Variants in FOCAD observed in about 807,000 individuals in gnomAD.
The protein encoded by FOCAD is focadhesin.
A neutral mutation model predicts 225.6 loss-of-function variants in FOCAD; 198 were observed. That is an observed-to-expected ratio of 0.88 (90% CI 0.78 to 0.99). The LOEUF (loss-of-function observed/expected upper bound fraction) is 0.99. FOCAD is among the 50% of genes least tolerant of loss of function. FOCAD has a pLI of 0.00. For synonymous variants in FOCAD, 897 were observed against 755.0 expected (o/e 1.19, Z -3.08); for missense variants, 2,713 against 2,123.6 (o/e 1.28, Z -5.46).
chr9:20,937,376 C>T (rs938062619), intron 28 of FOCAD, among the ~76,000 whole-genome samples: 103 of 152,050 alleles, frequency 6.8e-4, no homozygotes, highest in African/African-American at 2.1e-3. Flanking sequence ...GGTACCAAAA[C>T]AGAGATATAG....
chr9:20,710,486 A>T (rs1824752141), intron 1 of FOCAD, among the ~76,000 whole-genome samples: 1 of 151,370 alleles, frequency 6.6e-6, no homozygotes, highest in Non-Finnish European at 1.5e-5. Flanking sequence ...AATCCCAGCT[A>T]CTCTGGAGGC....
At chr9:20,871,766 G>C (rs1265238914) in intron 18 of FOCAD, among the ~76,000 whole-genome samples, 15 of 115,616 alleles carry the variant, frequency 1.3e-4, no homozygotes, top group African/African-American at 4.8e-4. Context: ...TGTGGGGTGG[G>C]GGGTGGGGGG....
At chr9:20,869,658 C>T (rs1230966157) in intron 18 of FOCAD, among the ~76,000 whole-genome samples, 5 of 152,176 alleles carry the variant, frequency 3.3e-5, no homozygotes, top group African/African-American at 1.2e-4. Context: ...TTGATGAATT[C>T]ATCTTTCTTG....
At chr9:20,913,488 T>G (rs1833616736) in intron 23 of FOCAD, among the ~76,000 whole-genome samples, 1 of 152,100 alleles carries the variant, frequency 6.6e-6, no homozygotes, top group African/African-American at 2.4e-5. Context: ...TTAAACTGTT[T>G]CATGGGTTGA....
intron 5 of FOCAD, 49 bp from the exon 6 acceptor site, chr9:20,758,041 T>C: frequency 1.6e-6 from 2 of 1,250,870 alleles, no homozygotes; most frequent in South Asian, 1.4e-5. Flanking sequence ...ATATTGAAAA[T>C]GTGTAGTCCT....
chr9:20,978,509 T>C, intron 37 of FOCAD, 55 bp downstream of exon 37: 1 of 1,196,578 alleles, frequency 8.4e-7, no homozygotes. Flanking sequence ...TTTAGGAGGA[T>C]ATTAACATTC....
chr9:20,928,137 A>G (rs1275834536), intron 26 of FOCAD, among the ~76,000 whole-genome samples: 1 of 152,164 alleles, frequency 6.6e-6, no homozygotes, highest in African/African-American at 2.4e-5. Flanking sequence ...TATTCACCAG[A>G]GCAGGACACT....
At chr9:20,774,154 G>T (rs1053755783) in intron 8 of FOCAD, among the ~76,000 whole-genome samples, 1 of 152,168 alleles carries the variant, frequency 6.6e-6, no homozygotes, top group Non-Finnish European at 1.5e-5. Context: ...TGCCCCAGGT[G>T]TGTGGAAAAA....
chr9:20,722,266 A>G (rs2131556197), intron 4 of FOCAD, among the ~76,000 whole-genome samples: 1 of 151,918 alleles, frequency 6.6e-6, no homozygotes, highest in Non-Finnish European at 1.5e-5. Flanking sequence ...TTCCCAAACT[A>G]GATCCAGCCT....
chr9:20,802,466 A>G (rs147122054), intron 11 of FOCAD, among the ~76,000 whole-genome samples: 199 of 152,240 alleles, frequency 1.3e-3, no homozygotes, highest in African/African-American at 4.7e-3. Context: ...TAGATTTAGA[A>G]TTCATGAAAG....
chr9:20,910,815 G>A (rs1267486478), intron 22 of FOCAD, among the ~76,000 whole-genome samples: 2 of 151,884 alleles, frequency 1.3e-5, no homozygotes. Context: ...TGGGTGGCAG[G>A]GATTAATAAG....
intron 35 of FOCAD, among the ~76,000 whole-genome samples, chr9:20,965,291 A>G (rs970536218): frequency 1.3e-5 from 2 of 152,152 alleles, no homozygotes; most frequent in African/African-American, 4.8e-5. Flanking sequence ...TTTATTCCAG[A>G]AAGCAATGAT....
At chr9:20,823,413 C>G (rs1371917887) in intron 15 of FOCAD, among the ~76,000 whole-genome samples, 2 of 151,950 alleles carry the variant, frequency 1.3e-5, no homozygotes, top group Admixed American at 6.6e-5. Flanking sequence ...TAGGAGAACT[C>G]TAGAATATAG....
intron 5 of FOCAD, among the ~76,000 whole-genome samples, chr9:20,755,420 T>C (rs549110946): frequency 4.3e-4 from 65 of 152,342 alleles, no homozygotes; most frequent in African/African-American, 1.5e-3. Context: ...TAGAATTGTT[T>C]GCCACATATA....
intron 1 of FOCAD, among the ~76,000 whole-genome samples, chr9:20,694,351 A>G (rs1823173303): frequency 6.6e-6 from 1 of 152,230 alleles, no homozygotes; most frequent in Admixed American, 6.5e-5. Context: ...AAGCTATTTT[A>G]CATTTGAATT....
intron 11 of FOCAD, among the ~76,000 whole-genome samples, chr9:20,806,061 C>G (rs182767833): frequency 8.5e-5 from 13 of 152,138 alleles, no homozygotes; most frequent in African/African-American, 2.4e-4. Flanking sequence ...AAGACGTACC[C>G]AGACATTTAG....
At chr9:20,760,029 G>C (rs536652464) in intron 6 of FOCAD, among the ~76,000 whole-genome samples, 1 of 152,150 alleles carries the variant, frequency 6.6e-6, no homozygotes, top group African/African-American at 2.4e-5. Flanking sequence ...CTACCATGAC[G>C]CTGGTTCAGG....
chr9:20,922,898 T>C (rs1167455589), intron 24 of FOCAD, among the ~76,000 whole-genome samples: 1 of 152,212 alleles, frequency 6.6e-6, no homozygotes, highest in Non-Finnish European at 1.5e-5. Context: ...ATATTAAATG[T>C]ACATTTTCAA....
At chr9:20,834,067 C>A (rs1397278837) in intron 15 of FOCAD, among the ~76,000 whole-genome samples, 1 of 151,916 alleles carries the variant, frequency 6.6e-6, no homozygotes, top group East Asian at 1.9e-4. Flanking sequence ...TTAAGGATAG[C>A]ATATTTGAAA....
Sources: allele counts gnomAD v4.1 joint callset (sites outside exome capture counted in the v4.1 genomes callset), GRCh38; gene constraint gnomAD v4.1.1; transcripts MANE v1.5; gene names NCBI Gene and HGNC (gene_info 2026-07-23, HGNC 2026-07-21).